Variants in RALGPS2 observed in about 807,000 individuals in gnomAD.
The protein encoded by RALGPS2 is ras-specific guanine nucleotide-releasing factor RalGPS2.
Under a neutral mutation model 86.8 loss-of-function variants are expected in RALGPS2, and 43 were observed. The observed-to-expected ratio is 0.50, with a 90% CI of 0.39 to 0.64. RALGPS2 has a LOEUF of 0.64. RALGPS2 is among the 30% of genes least tolerant of loss of function. The pLI is 0.00. For synonymous variants in RALGPS2, 243 were observed against 231.3 expected, an observed-to-expected ratio of 1.05 and a Z score of -0.46; for missense variants, 536 against 694.6, an observed-to-expected ratio of 0.77 and a Z score of 2.57.
chr1:178,833,006 C>T (rs895584410), intron 7 of RALGPS2, among the ~76,000 whole-genome samples: 2 of 151,878 alleles, frequency 1.3e-5, no homozygotes, highest in African/African-American at 4.8e-5. Flanking sequence ...AAGTGTTAAT[C>T]GCAAAATTTG....
chr1:178,817,791 TG>T (rs1430254763), intron 6 of RALGPS2, among the ~76,000 whole-genome samples: 5 of 152,240 alleles, frequency 3.3e-5, no homozygotes, highest in African/African-American at 1.2e-4. Context: ...CTCTCAGCAG[TG>T]CTTTATTTTC....
At position 178,916,564 on chromosome 1, in the gene RALGPS2, T is replaced by C. The variant is rs1039554333; in HGVS notation, c.*205T>C. 4 of 547,970 alleles carry C rather than the reference T, an allele frequency of 7.3e-6. No homozygotes were observed. The highest frequency in any genetic ancestry group is 1.3e-5 in the Non-Finnish European group (4 of 315,398). 33.9% of individuals were successfully genotyped at this position (547,970 alleles called of 1,614,324 possible). ...AACAAATTGGAGTTGCAAAACAAACTGCCATGAACCATGCTTCTTATCTCA... is the reference window on the plus strand; with the variant it reads ...AACAAATTGGAGTTGCAAAACAAACCGCCATGAACCATGCTTCTTATCTCA... On this transcript the variant is annotated 3_prime_UTR_variant, in exon 20 of 20. Transcript: ENST00000367635.
intron 13 of RALGPS2, among the ~76,000 whole-genome samples, chr1:178,888,771 A>G (rs1002376870): frequency 6.6e-6 from 1 of 152,096 alleles, no homozygotes; most frequent in Non-Finnish European, 1.5e-5. Flanking sequence ...CATCGTCTCT[A>G]AGAGAGACGA....
chr1:178,747,318 A>G, intron 1 of RALGPS2: 2 of 1,532,036 alleles, frequency 1.3e-6, no homozygotes, highest in Non-Finnish European at 1.8e-6. Context: ...CAAGTAGTAT[A>G]ATGAAAGTGA....
chr1:178,848,194 C>G (rs998757857), intron 8 of RALGPS2, among the ~76,000 whole-genome samples: 3 of 151,970 alleles, frequency 2.0e-5, no homozygotes, highest in African/African-American at 7.3e-5. Flanking sequence ...ACCTGTAGTC[C>G]CAGCTACTCA....
At chr1:178,751,128 A>G (rs996401268) in intron 1 of RALGPS2, among the ~76,000 whole-genome samples, 6 of 150,460 alleles carry the variant, frequency 4.0e-5, no homozygotes, top group Non-Finnish European at 7.4e-5. Flanking sequence ...ACACACAGAC[A>G]CACACACCCT....
chr1:178,760,979 C>CTTTTTTT (rs200598214), intron 1 of RALGPS2, among the ~76,000 whole-genome samples: 2 of 138,092 alleles, frequency 1.4e-5, no homozygotes, highest in Non-Finnish European at 3.1e-5. Context: ...AGACTTTATT[C>CTTTTTTT]TTTTTTTTTT....
At chr1:178,892,488 T>G (rs1472971435) in intron 15 of RALGPS2, among the ~76,000 whole-genome samples, 181 bp downstream of exon 15, 1 of 152,160 alleles carries the variant, frequency 6.6e-6, no homozygotes, top group East Asian at 1.9e-4. Context: ...CAACTATTCT[T>G]TCTGATCCAC....
chr1:178,871,771 G>C (rs1470269060), intron 8 of RALGPS2, among the ~76,000 whole-genome samples: 2 of 152,060 alleles, frequency 1.3e-5, no homozygotes, highest in Non-Finnish European at 2.9e-5. Flanking sequence ...AATTGATGTG[G>C]TGTGGTTTAA....
intron 8 of RALGPS2, among the ~76,000 whole-genome samples, chr1:178,873,660 T>C (rs1658867700): frequency 6.6e-6 from 1 of 152,168 alleles, no homozygotes; most frequent in South Asian, 2.1e-4. Flanking sequence ...TATAAGAATG[T>C]CTATAGCAAC....
At chr1:178,876,378 G>A (rs1659006223) in intron 8 of RALGPS2, among the ~76,000 whole-genome samples, 1 of 152,080 alleles carries the variant, frequency 6.6e-6, no homozygotes, top group African/African-American at 2.4e-5. Context: ...AGGTTGCATG[G>A]CATTAGACAG....
At chr1:178,791,515 A>G (rs1194764785) in intron 4 of RALGPS2, among the ~76,000 whole-genome samples, 1 of 152,178 alleles carries the variant, frequency 6.6e-6, no homozygotes, top group Non-Finnish European at 1.5e-5. Context: ...TATGAACTAA[A>G]TTTCAATTTT....
At chr1:178,890,110 T>C (rs553542150) in intron 14 of RALGPS2, among the ~76,000 whole-genome samples, 1 of 152,068 alleles carries the variant, frequency 6.6e-6, no homozygotes, top group South Asian at 2.1e-4. Flanking sequence ...AAATTTTAAA[T>C]TATACAAGTA....
intron 1 of RALGPS2, among the ~76,000 whole-genome samples, chr1:178,739,792 T>C (rs1650919127): frequency 6.6e-6 from 1 of 152,214 alleles, no homozygotes; most frequent in African/African-American, 2.4e-5. Context: ...AGGTTTGGAC[T>C]TAAGGGAACA....
rs77980621 is a variant in RALGPS2 at position 178,818,512 on chromosome 1, C to T, written c.388-3100C>T. Among the ~76,000 whole-genome samples, 923 of 152,308 alleles carry T rather than the reference C, an allele frequency of 6.1e-3. 10 individuals carry two copies. The highest frequency in any genetic ancestry group is 0.021 in the African/African-American group (882 of 41,550). On this transcript the variant is annotated intron_variant, in intron 6 of 19. Transcript: ENST00000367635. ...TACTTTGTATGGTACAGGCCCCTTGCTGTAGTAGGGACCCTGGGATCTAAG... is the reference window on the plus strand; with the variant it reads ...TACTTTGTATGGTACAGGCCCCTTGTTGTAGTAGGGACCCTGGGATCTAAG...
At chr1:178,820,688 A>AT (rs1417971066) in intron 6 of RALGPS2, among the ~76,000 whole-genome samples, 1 of 151,988 alleles carries the variant, frequency 6.6e-6, no homozygotes, top group African/African-American at 2.4e-5. Context: ...GGTCTTTTTC[A>AT]TTTTTGTATA....
chr1:178,916,207 CA>C (rs1452973716), intron 19 of RALGPS2, 122 bp from the exon 20 acceptor site: 2 of 732,618 alleles, frequency 2.7e-6, no homozygotes, highest in African/African-American at 3.6e-5. Flanking sequence ...CTCCTTATAT[CA>C]AGTTCCTTTT....
chr1:178,777,621 C>T (rs1452120422), intron 2 of RALGPS2, among the ~76,000 whole-genome samples: 1 of 150,622 alleles, frequency 6.6e-6, no homozygotes, highest in Admixed American at 6.6e-5. Flanking sequence ...CTGGAGGCAT[C>T]ACACTACCTG....
intron 10 of RALGPS2, among the ~76,000 whole-genome samples, chr1:178,880,049 T>A (rs188320236): frequency 1.0e-3 from 156 of 152,258 alleles, no homozygotes; most frequent in African/African-American, 3.4e-3. Flanking sequence ...AAAGTTTATT[T>A]AGCTTTATTA....
Sources: allele counts gnomAD v4.1 joint callset (sites outside exome capture counted in the v4.1 genomes callset), GRCh38; gene constraint gnomAD v4.1.1; transcripts MANE v1.5; gene names NCBI Gene and HGNC (gene_info 2026-07-23, HGNC 2026-07-21).